The following CCNJL variants were observed in gnomAD, a reference collection of about 807,000 sequenced individuals.
CCNJL encodes the protein cyclin J like.
Under a neutral mutation model 33.4 loss-of-function variants are expected in CCNJL, and 33 were observed. The ratio of observed to expected loss-of-function variants is 0.99; its 90% confidence interval spans 0.75 to 1.32. The LOEUF is 1.32. Ranked by LOEUF, CCNJL falls within the 40% of genes most tolerant of loss-of-function variation. The pLI, the probability that CCNJL is intolerant of heterozygous loss-of-function variation, is 0.00. For synonymous variants in CCNJL, 227 were observed against 220.9 expected, an observed-to-expected ratio of 1.03 and a Z score of -0.24; for missense variants, 512 against 499.7, an observed-to-expected ratio of 1.02 and a Z score of -0.23.
chr5:160,326,868 A>G, intron 1 of CCNJL: 1 of 692,190 alleles, frequency 1.4e-6, no homozygotes, highest in Non-Finnish European at 2.8e-6. Context: ...ACCTTGTATT[A>G]GATGATACAG....
chr5:160,303,692 CTG>C (rs1292597058), intron 2 of CCNJL, among the ~76,000 whole-genome samples: 9 of 95,902 alleles, frequency 9.4e-5, no homozygotes, highest in East Asian at 5.6e-4. Flanking sequence ...AACAAATCCT[CTG>C]TGTGTCTGTG....
chr5:160,280,616 G>A lies in CCNJL; in HGVS notation c.189C>T (p.Ala63=), dbSNP rs140468741. The change falls in exon 3 of 6, where the codon GCC becomes GCT. Residue 63 remains alanine (A), a synonymous_variant. Coordinates refer to ENST00000257536, the MANE Select transcript of CCNJL (RefSeq NM_001308173.3). The part of the protein sequence containing the change: ...CQLCPAARHL[A]VYLLDHFMDR... ...CCATGAAGTGGTCCAGCAGGTAGACGGCCAGGTGCCGGGCTGCAGGGCAGA... is the reference window on the plus strand; with the variant it reads ...CCATGAAGTGGTCCAGCAGGTAGACAGCCAGGTGCCGGGCTGCAGGGCAGA... The A allele has an allele frequency of 4.3e-6, 7 of 1,613,634 alleles. No homozygotes were observed. Among genetic ancestry groups the A allele is most frequent in the Admixed American group, 1.7e-5 (1 of 60,018 alleles).
Position 160,259,495 on chromosome 5 carries a change from T to C in CCNJL, c.557A>G (p.His186Arg), listed in dbSNP as rs555667723. ...KTKECLKEYA[H>R]YFLEVTLQDH... ...TTGCAGGGTGACCTCTAGGAAGTAA[T>C]GGGCATACTCCTTGAGGCACTCTTT... The change falls in exon 4 of 6, where the codon CAT (histidine) becomes CGT (arginine). Residue 186 changes from histidine (H) to arginine (R), a missense_variant. His to Arg is a conservative substitution (Grantham distance 29). Coordinates refer to ENST00000257536, the MANE Select transcript of CCNJL (RefSeq NM_001308173.3). 2.5e-6 allele frequency: 4 copies of C among 1,613,734 alleles called. No individual in the cohort carries two copies. In the South Asian group the frequency reaches 4.4e-5, roughly 18 times the overall value.
chr5:160,317,477 A>G (rs989074729), upstream of CCNJL, among the ~76,000 whole-genome samples: 1 of 152,230 alleles, frequency 6.6e-6, no homozygotes, highest in Non-Finnish European at 1.5e-5. Context: ...TGCAGGGAGC[A>G]GAGGAGACAC....
intron 2 of CCNJL, among the ~76,000 whole-genome samples, chr5:160,298,877 GT>G (rs1391828560): frequency 6.6e-6 from 1 of 152,082 alleles, no homozygotes; most frequent in South Asian, 2.1e-4. Context: ...AAATCAAACT[GT>G]TTTCTCTGAA....
chr5:160,328,960 T>A (rs1763573039), intron 1 of CCNJL, among the ~76,000 whole-genome samples: 2 of 151,930 alleles, frequency 1.3e-5, no homozygotes, highest in Admixed American at 6.6e-5. Flanking sequence ...GAGTAACTTA[T>A]CCAAGGTTAC....
At chr5:160,304,167 G>A (rs1010703420) in intron 2 of CCNJL, among the ~76,000 whole-genome samples, 2 of 152,130 alleles carry the variant, frequency 1.3e-5, no homozygotes, top group African/African-American at 4.8e-5. Context: ...GTCTTGACTG[G>A]GTATCGTGCA....
intron 2 of CCNJL, among the ~76,000 whole-genome samples, chr5:160,303,258 C>A (rs775037420): frequency 6.6e-6 from 1 of 152,062 alleles, no homozygotes; most frequent in African/African-American, 2.4e-5. Flanking sequence ...CAAGCTGGAG[C>A]GCAATGGTGC....
chr5:160,310,237 C>T (rs1763219587), intron 2 of CCNJL, among the ~76,000 whole-genome samples: 2 of 152,176 alleles, frequency 1.3e-5, no homozygotes, highest in African/African-American at 4.8e-5. Flanking sequence ...CAGGACCATA[C>T]CCCTACCACT....
At chr5:160,257,335 C>T (rs903387930) in intron 4 of CCNJL, among the ~76,000 whole-genome samples, 4 of 151,790 alleles carry the variant, frequency 2.6e-5, no homozygotes, top group Non-Finnish European at 4.4e-5. Context: ...ATTAGCCAGG[C>T]GTGGTGGCGG....
intron 3 of CCNJL, 146 bp from the exon 4 acceptor site, chr5:160,259,917 A>G (rs1379291412): frequency 3.0e-6 from 2 of 666,198 alleles, no homozygotes; most frequent in South Asian, 1.9e-5. Context: ...AGGAGCACAC[A>G]TTCCAGATCT....
intron 3 of CCNJL, among the ~76,000 whole-genome samples, chr5:160,277,932 G>T (rs1762073934): frequency 6.6e-6 from 1 of 151,466 alleles, no homozygotes; most frequent in South Asian, 2.1e-4. Flanking sequence ...TCTGAGATGG[G>T]GTTTCGTTCT....
At chr5:160,306,270 CAAAAAAAA>C (rs35956418) in intron 2 of CCNJL, among the ~76,000 whole-genome samples, 1 of 68,908 alleles carries the variant, frequency 1.5e-5, no homozygotes, top group East Asian at 4.9e-4. Context: ...GACTCCGTCT[CAAAAAAAA>C]AAAAAAAAAA....
chr5:160,338,727 C>G (rs956527153), intron 1 of CCNJL, among the ~76,000 whole-genome samples: 1 of 152,084 alleles, frequency 6.6e-6, no homozygotes, highest in African/African-American at 2.4e-5. Context: ...AAGCACTTAC[C>G]ATAGGGCCTG....
intron 2 of CCNJL, among the ~76,000 whole-genome samples, chr5:160,296,036 T>C (rs1056720368): frequency 2.6e-5 from 4 of 152,248 alleles, no homozygotes; most frequent in Non-Finnish European, 4.4e-5. Context: ...CCCAATTGTG[T>C]ACACAATTTT....
chr5:160,306,599 T>C (rs1166371565), intron 2 of CCNJL, among the ~76,000 whole-genome samples: 1 of 152,200 alleles, frequency 6.6e-6, no homozygotes, highest in Non-Finnish European at 1.5e-5. Flanking sequence ...CAGAAATCCC[T>C]GTATTCAGAA....
intron 3 of CCNJL, chr5:160,269,508 C>T (rs143276837): frequency 8.8e-6 from 4 of 456,496 alleles, no homozygotes; most frequent in African/African-American, 2.0e-5. Flanking sequence ...CTGCGCTGAA[C>T]GTGTGGGCAC....
rs566106024 is a variant in CCNJL at position 160,326,821 on chromosome 5, A to C, written n.207-11316T>G. The C allele has an allele frequency of 8.5e-4, 685 of 809,714 alleles. 8 individuals carry two copies. The African/African-American group carries it at 0.01, about 12-fold the overall frequency. The allele number at this position is 809,714 out of a possible 1,614,324, so 50.2% of individuals were successfully genotyped here. On this transcript the variant is annotated intron_variant and non_coding_transcript_variant, in intron 1 of 7. Transcript: ENST00000377503. Reference sequence around the variant, plus strand: ...GCTCTATGAGCAAGTGAATATGCGGATAGAAGGCTGTATCATTAGTTTTGA... The same window carrying C: ...GCTCTATGAGCAAGTGAATATGCGGCTAGAAGGCTGTATCATTAGTTTTGA...
chr5:160,303,700 C>CTGTGTGTGTGTGTGTG (rs551491563), intron 2 of CCNJL, among the ~76,000 whole-genome samples: 2 of 104,232 alleles, frequency 1.9e-5, no homozygotes, highest in African/African-American at 3.9e-5. Context: ...CTCTGTGTGT[C>CTGTGTGTGTGTGTGTG]TGTGTGTGTG....
Sources: allele counts gnomAD v4.1 joint callset (sites outside exome capture counted in the v4.1 genomes callset), GRCh38; gene constraint gnomAD v4.1.1; transcripts MANE v1.5; gene names NCBI Gene and HGNC (gene_info 2026-07-23, HGNC 2026-07-21).